The following LYG1 variants were observed in gnomAD, a reference collection of about 807,000 sequenced individuals.
LYG1 encodes lysozyme g-like protein 1.
In LYG1, 17 loss-of-function variants were observed where a neutral mutation model predicts 21.7. That is an observed-to-expected ratio of 0.78 (90% CI 0.54 to 1.18). The LOEUF (loss-of-function observed/expected upper bound fraction) is 1.18, where lower values mean the gene tolerates loss of function less well. Among genes scored for constraint, LYG1 ranks in the 50% most tolerant of loss-of-function variants. LYG1 has a pLI of 0.00. For missense variants in LYG1, 211 were observed against 238.1 expected (o/e 0.89, Z 0.75); for synonymous variants, 81 against 87.4 (o/e 0.93, Z 0.41).
At chr2:99,292,959 T>A (rs2094124508) in intron 3 of LYG1, among the ~76,000 whole-genome samples, 1 of 151,288 alleles carries the variant, frequency 6.6e-6, no homozygotes, top group African/African-American at 2.4e-5. Flanking sequence ...AGAGGATTTG[T>A]TCCCTGTAAA....
chr2:99,289,740 C>G (rs12990393), intron 5 of LYG1, among the ~76,000 whole-genome samples: 1 of 152,172 alleles, frequency 6.6e-6, no homozygotes, highest in African/African-American at 2.4e-5. Flanking sequence ...GTCTGAACGT[C>G]TAAAGGGACT....
At chr2:99,302,149 A>G (rs2094156527), upstream of LYG1, among the ~76,000 whole-genome samples, 1 of 151,926 alleles carries the variant, frequency 6.6e-6, no homozygotes, top group African/African-American at 2.4e-5. Context: ...TCGTCTTTAT[A>G]ATACCAGCAT....
In LYG1 at chr2:99,284,473, G is replaced by A. The variant is rs182858940; in HGVS notation, c.505C>T (p.Arg169Ter). The A allele has an allele frequency of 1.4e-5, 23 of 1,614,138 alleles. No individual in the cohort carries two copies. The highest frequency in any genetic ancestry group is 6.7e-5 in the African/African-American group (5 of 75,024). The change falls in exon 7 of 7, where the codon CGA (arginine) becomes TGA (stop). Residue 169 changes from arginine to a stop codon, truncating the protein, a stop_gained. Coordinates refer to ENST00000308528, the MANE Select transcript of LYG1 (RefSeq NM_174898.3). LOFTEE classifies it high-confidence loss of function. ...CAYSGGAGYVRSSQDLSCDFC... is the reference protein window; with the variant it reads ...CAYSGGAGYV ...TCACAGCTCAGGTCCTGGCTGCTTC[G>A]GACATAGCCAGCACCCCCACTGTAG...
rs2105294171 is a variant in LYG1, at chr2:99,291,224, G to C, written c.333+13C>G. ...AGCAGAATGGCCACATGTGTCAACG[G>C]ATGAAGAGTTACCTGCACCATGCTA... On this transcript the variant is annotated intron_variant, in intron 5 of 6. Transcript: ENST00000308528. 2 of 1,611,910 alleles carry C rather than the reference G, an allele frequency of 1.2e-6. No individual in the cohort carries two copies. Among genetic ancestry groups the C allele is most frequent in the South Asian group, 2.2e-5 (2 of 90,742 alleles).
chr2:99,299,913 TACACACACACGTAC>T (rs1029177249), intron 1 of LYG1, among the ~76,000 whole-genome samples: 29 of 151,488 alleles, frequency 1.9e-4, no homozygotes, highest in Admixed American at 7.9e-4. Flanking sequence ...CCTACATATA[TACACACACACGTAC>T]ACACACACAC....
chr2:99,291,256 T>A lies in LYG1; in HGVS notation c.314A>T (p.Asp105Val). 1 of 1,614,100 alleles carries A rather than the reference T, an allele frequency of 6.2e-7. No individual in the cohort carries two copies. The highest frequency in any genetic ancestry group is 1.1e-5 in the South Asian group (1 of 91,076). ...PGDKILVNMG[D>V]RTSMVQDPGS... Reference sequence around the variant, plus strand: ...AGTTACCTGCACCATGCTAGTCCTATCGCCCATGTTGACCAGAATTTTGTC... The same window carrying A: ...AGTTACCTGCACCATGCTAGTCCTAACGCCCATGTTGACCAGAATTTTGTC... The change falls in exon 5 of 7, where the codon GAT becomes GTT. Residue 105 changes from aspartate (D) to valine (V), a missense_variant. Asp to Val is a radical substitution (Grantham distance 152, BLOSUM62 -3). Coordinates refer to ENST00000308528, the MANE Select transcript of LYG1 (RefSeq NM_174898.3).
In LYG1 at chr2:99,284,847, C is replaced by T. The variant is rs769248850; in HGVS notation, c.334-27G>A. The T allele has an allele frequency of 1.9e-6, 3 of 1,609,666 alleles. No homozygotes were observed. In the African/African-American group the frequency reaches 4.0e-5, roughly 22 times the overall value. ...TGCAGGGAAGGAGGCAGAGAAGAAG[C>T]CACGTAAGCTGGGTGGGAGGGTGAT... On this transcript the variant is annotated intron_variant, in intron 5 of 6. Transcript: ENST00000308528.
At chr2:99,298,225 A>G (rs534609947) in intron 2 of LYG1, among the ~76,000 whole-genome samples, 17 of 152,306 alleles carry the variant, frequency 1.1e-4, no homozygotes, top group Admixed American at 1.0e-3. Flanking sequence ...GCTTAAAACC[A>G]TTATGAAGAT....
chr2:99,289,044 T>C (rs2094110771), intron 5 of LYG1, among the ~76,000 whole-genome samples: 1 of 152,186 alleles, frequency 6.6e-6, no homozygotes, highest in Admixed American at 6.5e-5. Flanking sequence ...AACTTATTTA[T>C]TAGAATTGCA....
intron 2 of LYG1, among the ~76,000 whole-genome samples, chr2:99,296,250 A>G (rs2094136074): frequency 6.6e-6 from 1 of 151,928 alleles, no homozygotes; most frequent in Admixed American, 6.6e-5. Context: ...GACCCCCTTT[A>G]TCACCTTGAG....
Position 99,291,404 on chromosome 2 carries a change from T to A in LYG1, c.166A>T (p.Arg56Trp). The change falls in exon 5 of 7, where the codon AGG (arginine) becomes TGG (tryptophan). Residue 56 changes from arginine (R) to tryptophan (W), a missense_variant. Arg to Trp is a moderately radical substitution (Grantham distance 101). Transcript: ENST00000308528. ...TATGGCATGTCTATTTCAGCCAGCC[T>A]TTCAGAAGCACGAACTCCTAAACCA... ...LNYCGVRASE[R>W]LAEIDMPYLL... 2 of 1,614,156 alleles carry A rather than the reference T, an allele frequency of 1.2e-6. No homozygotes were observed. Among genetic ancestry groups the A allele is most frequent in the Non-Finnish European group, 1.7e-6 (2 of 1,180,016 alleles).
chr2:99,297,125 G>A (rs1179561307), intron 2 of LYG1, among the ~76,000 whole-genome samples: 4 of 152,192 alleles, frequency 2.6e-5, no homozygotes, highest in Admixed American at 2.0e-4. Context: ...CATTGAGATG[G>A]TCTGTCCGAT....
intron 3 of LYG1, among the ~76,000 whole-genome samples, chr2:99,293,909 TTTAATTAA>T (rs577473961): frequency 1.3e-5 from 2 of 152,072 alleles, no homozygotes; most frequent in African/African-American, 2.4e-5. Flanking sequence ...TAGATTACTC[TTTAATTAA>T]TTAATTAATT....
chr2:99,288,330 T>C (rs894981774), intron 5 of LYG1, among the ~76,000 whole-genome samples: 4 of 152,174 alleles, frequency 2.6e-5, no homozygotes, highest in Admixed American at 1.3e-4. Context: ...CTTTTTACCA[T>C]ACTTTTACTT....
intron 2 of LYG1, among the ~76,000 whole-genome samples, chr2:99,297,596 T>C (rs984675612): frequency 1.6e-4 from 24 of 152,242 alleles, no homozygotes; most frequent in African/African-American, 5.3e-4. Flanking sequence ...AAAGAGTCTA[T>C]GTAAATACAT....
intron 2 of LYG1, among the ~76,000 whole-genome samples, chr2:99,297,428 A>G (rs2094140154): frequency 6.6e-6 from 1 of 152,166 alleles, no homozygotes; most frequent in Non-Finnish European, 1.5e-5. Flanking sequence ...CAAATGCTCC[A>G]CCCAGGGTAT....
Position 99,291,237 on chromosome 2 carries a change from C to T in LYG1, c.333G>A (p.Gln111=). ...CATGTGTCAACGGATGAAGAGTTACCTGCACCATGCTAGTCCTATCGCCCA... is the reference window on the plus strand; with the variant it reads ...CATGTGTCAACGGATGAAGAGTTACTTGCACCATGCTAGTCCTATCGCCCA... ...VNMGDRTSMV[Q]DPGSQAPTSW... Residue 111 remains glutamine (Q), a splice_region_variant and synonymous_variant, in exon 5 of 7, where the codon CAG becomes CAA. Coordinates refer to ENST00000308528, the MANE Select transcript of LYG1 (RefSeq NM_174898.3). The T allele has an allele frequency of 6.2e-7, 1 of 1,613,624 alleles. No individual in the cohort carries two copies. Among genetic ancestry groups the T allele is most frequent in the Non-Finnish European group, 8.5e-7 (1 of 1,179,784 alleles).
Position 99,284,358 on chromosome 2 carries a change from A to AT in LYG1, c.*34dup. 29 of 1,585,410 alleles carry AT rather than the reference A, an allele frequency of 1.8e-5. No individual in the cohort carries two copies. Among genetic ancestry groups the AT allele is most frequent in the Non-Finnish European group, 2.5e-5 (29 of 1,154,740 alleles). On this transcript the variant is annotated 3_prime_UTR_variant, in exon 7 of 7. Coordinates refer to ENST00000308528, the MANE Select transcript of LYG1 (RefSeq NM_174898.3). Reference sequence around the variant, plus strand: ...TTATCTGTGTAACATTTGAGGCTGCATATGTGATCATGGTCTTGGGTTTCA... The same window carrying AT: ...TTATCTGTGTAACATTTGAGGCTGCATTATGTGATCATGGTCTTGGGTTTCA...
At chr2:99,292,698 T>C (rs1016947165) in intron 3 of LYG1, 58 bp from the exon 4 acceptor site, 1 of 1,068,256 alleles carries the variant, frequency 9.4e-7, no homozygotes, top group Non-Finnish European at 1.4e-6. Flanking sequence ...CATTCTTCTG[T>C]CCATGAATAA....
Sources: gnomAD v4.1 joint callset for allele counts (sites outside exome capture counted in the v4.1 genomes callset) on GRCh38, gnomAD v4.1.1 for gene constraint, MANE v1.5 for transcripts, NCBI Gene and HGNC (gene_info 2026-07-23, HGNC 2026-07-21) for gene names.